FRY: variants seen among roughly 807,000 people sequenced by gnomAD.
The protein encoded by FRY is FRY microtubule binding protein, also known as protein furry homolog.
Under a neutral mutation model 348.4 loss-of-function variants are expected in FRY, and 128 were observed. The ratio of observed to expected loss-of-function variants is 0.37; its 90% CI spans 0.32 to 0.43. The LOEUF (loss-of-function observed/expected upper bound fraction) is 0.43. Among genes scored for constraint, FRY ranks in the 20% least tolerant of loss-of-function variants. The pLI, the probability that FRY is intolerant of heterozygous loss-of-function variation, is 1.00. For synonymous variants in FRY, 1,370 were observed against 1,374.7 expected, an observed-to-expected ratio of 1.00 and a Z score of 0.08; for missense variants, 2,736 against 3,695.2, an observed-to-expected ratio of 0.74 and a Z score of 6.73.
At chr13:32,167,056 T>C (rs1429863882) in intron 17 of FRY, among the ~76,000 whole-genome samples, 1 of 152,186 alleles carries the variant, frequency 6.6e-6, no homozygotes, top group African/African-American at 2.4e-5. Context: ...GATTCTAGAT[T>C]GCAAATTGTG....
At chr13:32,287,567 C>T (rs2138640213) in intron 58 of FRY, among the ~76,000 whole-genome samples, 1 of 152,220 alleles carries the variant, frequency 6.6e-6, no homozygotes, top group East Asian at 1.9e-4. Flanking sequence ...GCAATAAAAG[C>T]TTTGATTTTT....
chr13:32,205,769 A>G (rs887566528), intron 31 of FRY, among the ~76,000 whole-genome samples: 7 of 152,060 alleles, frequency 4.6e-5, no homozygotes, highest in Non-Finnish European at 1.0e-4. Flanking sequence ...TGCATTTTTA[A>G]AAGCCTGGTT....
At chr13:32,087,479 C>G (rs909203692) in intron 2 of FRY, among the ~76,000 whole-genome samples, 1 of 152,194 alleles carries the variant, frequency 6.6e-6, no homozygotes, top group Non-Finnish European at 1.5e-5. Context: ...TGGCCCACCA[C>G]CAACAGATGG....
Position 32,298,792 on chromosome 13 carries a change from G to C in FRY, c.*3332G>C, listed in dbSNP as rs2072102255. 6.6e-6 allele frequency: 1 copy of C among 152,222 alleles called. No homozygotes were observed. The highest frequency in any genetic ancestry group is 1.5e-5 in the Non-Finnish European group (1 of 68,062). 9.4% of individuals were successfully genotyped at this position (152,222 alleles called of 1,614,324 possible). A position where few individuals can be genotyped will look rare whatever the true frequency, so the allele number is the denominator to read the frequency against. On this transcript the variant is annotated 3_prime_UTR_variant, in exon 61 of 61. Transcript: ENST00000542859. ...GGAGAAGCAGGGTCACTTTGTCAAA[G>C]GGACAGCAAGGAAGCCAATGACCGG...
intron 3 of FRY, 102 bp downstream of exon 3, chr13:32,102,118 A>C: frequency 1.3e-6 from 1 of 770,812 alleles, no homozygotes; most frequent in South Asian, 1.4e-5. Flanking sequence ...ACATCCTCAA[A>C]AAGTATATGG....
At chr13:32,285,807 T>C (rs1377940550) in intron 58 of FRY, among the ~76,000 whole-genome samples, 3 of 152,236 alleles carry the variant, frequency 2.0e-5, no homozygotes, top group Admixed American at 6.5e-5. Context: ...CTGGAAATTC[T>C]GCGGCTATAT....
intron 58 of FRY, among the ~76,000 whole-genome samples, chr13:32,282,781 C>T (rs1335786473): frequency 6.6e-6 from 1 of 152,196 alleles, no homozygotes; most frequent in African/African-American, 2.4e-5. Context: ...TGAACTATAA[C>T]CAATTCACAG....
rs1312809526 is a variant in FRY, at chr13:32,247,438, T to C, written c.6944T>C (p.Val2315Ala). The C allele has an allele frequency of 6.2e-7, 1 of 1,613,468 alleles. No individual in the cohort carries two copies. The highest frequency in any genetic ancestry group is 1.3e-5 in the African/African-American group (1 of 75,034). ...CTCTCAAAAATAGAAATACATCGAGTGTGGACTAGTGCTTCCAAGGAATTA... is the reference window on the plus strand; with the variant it reads ...CTCTCAAAAATAGAAATACATCGAGCGTGGACTAGTGCTTCCAAGGAATTA... The part of the protein sequence containing the change: ...SDLSKIEIHR[V>A]WTSASKELPG... The change falls in exon 48 of 61, where the codon GTG (valine) becomes GCG (alanine). Residue 2315 changes from valine (V) to alanine (A), a missense_variant. By Grantham distance (64) the Val-to-Ala change is moderately conservative. Coordinates refer to ENST00000542859, the MANE Select transcript of FRY (RefSeq NM_023037.3).
At chr13:32,092,641 G>A (rs1327316404) in intron 2 of FRY, among the ~76,000 whole-genome samples, 5 of 152,158 alleles carry the variant, frequency 3.3e-5, no homozygotes, top group Admixed American at 6.5e-5. Flanking sequence ...ATTCTTCAGC[G>A]CAGGAGAAAA....
At chr13:32,278,228 A>G (rs776372877) in intron 57 of FRY, among the ~76,000 whole-genome samples, 4 of 152,240 alleles carry the variant, frequency 2.6e-5, no homozygotes, top group Non-Finnish European at 5.9e-5. Flanking sequence ...GCAACACAGT[A>G]TAATATTGAA....
chr13:32,263,780 G>A (rs749582548), intron 53 of FRY, among the ~76,000 whole-genome samples: 9 of 152,160 alleles, frequency 5.9e-5, no homozygotes, highest in South Asian at 2.1e-4. Context: ...AGGCCGAGGC[G>A]GGTGGATCAC....
intron 50 of FRY, among the ~76,000 whole-genome samples, chr13:32,252,721 C>T (rs1321610313): frequency 6.6e-6 from 1 of 151,784 alleles, no homozygotes; most frequent in African/African-American, 2.4e-5. Flanking sequence ...AATGGATCTA[C>T]TAACACATAG....
At chr13:32,096,441 G>T (rs1214868700) in intron 2 of FRY, among the ~76,000 whole-genome samples, 1 of 151,736 alleles carries the variant, frequency 6.6e-6, no homozygotes, top group South Asian at 2.1e-4. Flanking sequence ...AAACTGCGGG[G>T]GGGGGCTTCA....
intron 16 of FRY, among the ~76,000 whole-genome samples, chr13:32,160,780 T>C (rs533688443): frequency 1.3e-5 from 2 of 151,826 alleles, no homozygotes; most frequent in South Asian, 4.2e-4. Flanking sequence ...ATATATATAC[T>C]CCATTTTTAA....
At chr13:32,258,432 G>A (rs1887448297) in intron 51 of FRY, among the ~76,000 whole-genome samples, 1 of 152,124 alleles carries the variant, frequency 6.6e-6, no homozygotes, top group Admixed American at 6.6e-5. Flanking sequence ...AGCCAACATG[G>A]CGAAACCCTG....
chr13:32,121,573 A>G (rs1157019063), intron 4 of FRY, among the ~76,000 whole-genome samples: 2 of 151,974 alleles, frequency 1.3e-5, no homozygotes, highest in South Asian at 4.1e-4. Flanking sequence ...GGCCATTTGT[A>G]TGTCTTCTTC....
chr13:32,224,130 T>G, intron 36 of FRY, 105 bp from the exon 37 acceptor site: 1 of 1,110,286 alleles, frequency 9.0e-7, no homozygotes, highest in Non-Finnish European at 1.4e-6. Context: ...AATAAAGTTA[T>G]TTTTACAAGC....
chr13:32,250,360 T>C (rs1013758964), intron 49 of FRY, among the ~76,000 whole-genome samples: 1 of 152,238 alleles, frequency 6.6e-6, no homozygotes, highest in Non-Finnish European at 1.5e-5. Context: ...TCAAGCACAG[T>C]TGGCTCCTAG....
At chr13:32,294,653 T>C in intron 60 of FRY, 83 bp downstream of exon 60, 1 of 1,001,936 alleles carries the variant, frequency 1.0e-6, no homozygotes, top group Non-Finnish European at 1.6e-6. Context: ...TCTAGCCCAC[T>C]ACGGAAGGCT....
Sources: allele counts gnomAD v4.1 joint callset (sites outside exome capture counted in the v4.1 genomes callset), GRCh38; gene constraint gnomAD v4.1.1; transcripts MANE v1.5; gene names NCBI Gene and HGNC (gene_info 2026-07-23, HGNC 2026-07-21).